The following CAPN6 variants were observed in gnomAD, a reference collection of about 807,000 sequenced individuals.
The protein encoded by CAPN6 is calpain-6.
A neutral mutation model predicts 46.0 loss-of-function variants in CAPN6; 16 were observed. The observed-to-expected ratio is 0.35, with a 90% CI of 0.24 to 0.53. The LOEUF is 0.53. Ranked by LOEUF, CAPN6 falls within the 20% of genes least tolerant of loss-of-function variation. The probability of loss-of-function intolerance (pLI) is 0.94; values close to 1 mark genes in which losing one functional copy is unlikely to be tolerated. For missense variants in CAPN6, 461 were observed against 498.0 expected, an observed-to-expected ratio of 0.93 and a Z score of 0.71; for synonymous variants, 206 against 172.8, an observed-to-expected ratio of 1.19 and a Z score of -1.51.
intron 11 of CAPN6, 68 bp downstream of exon 11, chrX:111,247,803 T>C: frequency 1.8e-6 from 2 of 1,136,303 alleles, no homozygotes; most frequent in Non-Finnish European, 2.4e-6. Flanking sequence ...TTTGTGATCA[T>C]GTTTTCTAAC....
At chrX:111,267,850 A>C (rs936467429) in intron 1 of CAPN6, among the ~76,000 whole-genome samples, 1 of 112,053 alleles carries the variant, frequency 8.9e-6, no homozygotes, top group Non-Finnish European at 1.9e-5. Context: ...AATTGAATAC[A>C]GAAGACCCAA....
At chrX:111,255,933 C>T (rs2094983368) in intron 2 of CAPN6, among the ~76,000 whole-genome samples, 1 of 111,652 alleles carries the variant, frequency 9.0e-6, no homozygotes, top group Non-Finnish European at 1.9e-5. Flanking sequence ...TTATGGGCTG[C>T]AAACTGCCTT....
At position 111,246,777 on chromosome X, in the gene CAPN6, G is replaced by T. The variant is rs766693553; in HGVS notation, c.1744-18C>A. The T allele has an allele frequency of 6.7e-6, 8 of 1,188,679 alleles. No individual in the cohort carries two copies. Among genetic ancestry groups the T allele is most frequent in the Non-Finnish European group, 9.1e-6 (8 of 881,347 alleles). On this transcript the variant is annotated intron_variant, in intron 12 of 12. Coordinates refer to ENST00000324068, the MANE Select transcript of CAPN6 (RefSeq NM_014289.4). ...TTCCAGACCTGGAAAGACAAACGAA[G>T]GGAGTGAAGATGAGCAGCCCTCAGT...
chrX:111,270,248 C>T (rs2094994965), intron 1 of CAPN6, 123 bp downstream of exon 1: 2 of 203,067 alleles, frequency 9.8e-6, no homozygotes, highest in Non-Finnish European at 1.9e-5. Context: ...TCCAGACAAG[C>T]CATAAAATAT....
chrX:111,248,705 A>G lies in CAPN6; in HGVS notation c.1348T>C (p.Tyr450His). The G allele has an allele frequency of 8.3e-7, 1 of 1,211,182 alleles. No individual in the cohort carries two copies. Among genetic ancestry groups the G allele is most frequent in the Non-Finnish European group, 1.1e-6 (1 of 895,261 alleles). ...YIQERAGTST[Y>H]IDTRTVFLSK... ...AGAAACACTGTGCGGGTGTCAATAT[A>G]GGTGGAAGTCCCAGCACGCTCCTGG... Residue 450 changes from tyrosine (Y) to histidine (H), a missense_variant, in exon 10 of 13, where the codon TAT becomes CAT. Coordinates refer to ENST00000324068, the MANE Select transcript of CAPN6 (RefSeq NM_014289.4).
In CAPN6 at chrX:111,270,387, G is replaced by C; in HGVS notation, c.-32C>G. 1 of 306,712 alleles carries C rather than the reference G, an allele frequency of 3.3e-6. No homozygotes were observed. The highest frequency in any genetic ancestry group is 3.3e-5 in the Admixed American group (1 of 30,070). 25.3% of individuals were successfully genotyped at this position (306,712 alleles called of 1,213,427 possible). On this transcript the variant is annotated 5_prime_UTR_variant, in exon 1 of 13. Transcript: ENST00000324068. Reference sequence around the variant, plus strand: ...TCTACTCACCTGAGTTATCCCAGGAGCCCTGCTGCTGCTGCTGCTGCTGCT... The same window carrying C: ...TCTACTCACCTGAGTTATCCCAGGACCCCTGCTGCTGCTGCTGCTGCTGCT...
chrX:111,247,756 C>A, intron 11 of CAPN6, 115 bp downstream of exon 11: 1 of 964,574 alleles, frequency 1.0e-6, no homozygotes, highest in African/African-American at 1.9e-5. Context: ...CCATCCATTC[C>A]CAACTTCTCT....
At chrX:111,249,487 CT>C (rs1469812534) in intron 8 of CAPN6, among the ~76,000 whole-genome samples, 1 of 110,949 alleles carries the variant, frequency 9.0e-6, no homozygotes, top group Non-Finnish European at 1.9e-5. Context: ...GGCTAGCCTC[CT>C]TTTGCCAGCC....
chrX:111,254,659 C>T (rs778045760), intron 2 of CAPN6, among the ~76,000 whole-genome samples: 2 of 111,052 alleles, frequency 1.8e-5, no homozygotes, highest in Non-Finnish European at 3.8e-5. Flanking sequence ...GGGTGCCATG[C>T]GGTGGTGAGG....
At chrX:111,262,837 T>A (rs763058018) in intron 2 of CAPN6, among the ~76,000 whole-genome samples, 15 of 112,097 alleles carry the variant, frequency 1.3e-4, no homozygotes, top group Non-Finnish European at 2.6e-4. Context: ...CCACAACAAC[T>A]ATTAATAGTT....
intron 2 of CAPN6, among the ~76,000 whole-genome samples, chrX:111,256,566 T>C (rs1342585333): frequency 8.9e-6 from 1 of 112,067 alleles, no homozygotes. Flanking sequence ...AGATACATTA[T>C]GGTGTCTTGA....
intron 12 of CAPN6, among the ~76,000 whole-genome samples, chrX:111,247,101 G>A (rs189936160): frequency 2.9e-4 from 32 of 111,575 alleles, no homozygotes; most frequent in Non-Finnish European, 4.5e-4. Flanking sequence ...TCCTCCATGG[G>A]ATTTTATGAT....
At chrX:111,268,977 T>C (rs148523269) in intron 1 of CAPN6, among the ~76,000 whole-genome samples, 1 of 112,093 alleles carries the variant, frequency 8.9e-6, no homozygotes, top group African/African-American at 3.2e-5. Context: ...CTTTTAAAAA[T>C]TCATATTGTA....
chrX:111,260,569 GC>G (rs2094987143), intron 2 of CAPN6, among the ~76,000 whole-genome samples: 1 of 112,017 alleles, frequency 8.9e-6, no homozygotes, highest in Non-Finnish European at 1.9e-5. Context: ...GGCTCATCTG[GC>G]CTTCCTGAGC....
chrX:111,257,558 C>A (rs1005183942), intron 2 of CAPN6, among the ~76,000 whole-genome samples: 3 of 112,195 alleles, frequency 2.7e-5, no homozygotes, highest in African/African-American at 9.7e-5. Flanking sequence ...TAAGCCAATG[C>A]AAACCTAGCA....
In CAPN6 at chrX:111,248,769, C is replaced by T. The variant is rs2094976704; in HGVS notation, c.1284G>A (p.Val428=). The T allele has an allele frequency of 2.5e-6, 3 of 1,209,841 alleles. No individual in the cohort carries two copies. ...GGAGGCGGAATTTGCGGTTCATCTC[C>T]ACCTGGAAATGAAATAGGGTAAAAT... The part of the protein sequence containing the change: ...NYIIGFELFK[V]EMNRKFRLHH... The change falls in exon 10 of 13, where the codon GTG becomes GTA. Residue 428 remains valine, a splice_region_variant and synonymous_variant. Coordinates refer to ENST00000324068, the MANE Select transcript of CAPN6 (RefSeq NM_014289.4).
At position 111,247,932 on chromosome X, in the gene CAPN6, T is replaced by A; in HGVS notation, c.1545A>T (p.Lys515Asn). Residue 515 changes from lysine to asparagine, a missense_variant, in exon 11 of 13, where the codon AAA becomes AAT. Transcript: ENST00000324068. ...SCWNLARGYP[K>N]VVTQITVHSA... ...TGTGAACAGTGATCTGAGTAACTAC[T>A]TTCGGGTAGCCACGAGCCAGGTTCC... 1.7e-6 allele frequency: 2 copies of A among 1,210,712 alleles called. No individual in the cohort carries two copies. The highest frequency in any genetic ancestry group is 2.2e-6 in the Non-Finnish European group (2 of 894,312).
At chrX:111,261,800 C>T (rs2094988105) in intron 2 of CAPN6, among the ~76,000 whole-genome samples, 1 of 111,710 alleles carries the variant, frequency 9.0e-6, no homozygotes, top group Admixed American at 9.5e-5. Context: ...TCTCCTCCCA[C>T]CTCCTCCACC....
chrX:111,252,816 A>G (rs2094980833), intron 4 of CAPN6, among the ~76,000 whole-genome samples, 192 bp downstream of exon 4: 1 of 111,720 alleles, frequency 9.0e-6, no homozygotes, highest in Admixed American at 9.5e-5. Flanking sequence ...TGGAAACAAG[A>G]ACCTCTGATT....
Sources: gnomAD v4.1 joint callset for allele counts (sites outside exome capture counted in the v4.1 genomes callset) on GRCh38, gnomAD v4.1.1 for gene constraint, MANE v1.5 for transcripts, NCBI Gene and HGNC (gene_info 2026-07-23, HGNC 2026-07-21) for gene names.